The following PCDHA12 variants were observed in gnomAD, a reference collection of about 807,000 sequenced individuals.
PCDHA12 encodes protocadherin alpha 12, also known as protocadherin alpha-12.
In PCDHA12, 44 loss-of-function variants were observed where a neutral mutation model predicts 60.0. That is an observed-to-expected ratio of 0.73 (90% CI 0.58 to 0.94). The LOEUF is 0.94. Among genes scored for constraint, PCDHA12 ranks in the 40% least tolerant of loss-of-function variants. PCDHA12 has a pLI of 0.00. For missense variants in PCDHA12, 1,276 were observed against 1,239.7 expected, an observed-to-expected ratio of 1.03 and a Z score of -0.44; for synonymous variants, 569 against 553.0, an observed-to-expected ratio of 1.03 and a Z score of -0.40.
chr5:140,961,704 C>T (rs1381981839), intron 1 of PCDHA12, among the ~76,000 whole-genome samples: 1 of 152,086 alleles, frequency 6.6e-6, no homozygotes, highest in African/African-American at 2.4e-5. Flanking sequence ...GTATGAATGC[C>T]TTCATTTCTA....
chr5:140,876,186 T>A lies in PCDHA12; in HGVS notation c.714T>A (p.Asn238Lys). The A allele has an allele frequency of 1.2e-6, 2 of 1,613,960 alleles. No individual in the cohort carries two copies. Among genetic ancestry groups the A allele is most frequent in the Middle Eastern group, 1.6e-4 (1 of 6,062 alleles). Residue 238 changes from asparagine to lysine, a missense_variant, in exon 1 of 4, where the codon AAT (asparagine) becomes AAA (lysine). Asn to Lys is a moderately conservative substitution (Grantham distance 94). Coordinates refer to ENST00000398631, the MANE Select transcript of PCDHA12 (RefSeq NM_018903.4). ...IQITVLDVND[N>K]GPAFDKPSYK... The stretch of plus-strand genomic sequence containing the variant: ...TAACCGTCCTGGATGTGAATGACAA[T>A]GGTCCGGCGTTTGATAAGCCCAGCT...
At chr5:140,923,423 G>A (rs533295733) in intron 1 of PCDHA12, among the ~76,000 whole-genome samples, 1 of 152,142 alleles carries the variant, frequency 6.6e-6, no homozygotes. Context: ...GGCTACTTGG[G>A]AGGCTGGGGT....
chr5:140,913,462 G>A (rs1300773586), intron 1 of PCDHA12, among the ~76,000 whole-genome samples: 1 of 151,764 alleles, frequency 6.6e-6, no homozygotes, highest in African/African-American at 2.4e-5. Context: ...TTATTTACTT[G>A]GGTCTTCTCT....
intron 1 of PCDHA12, among the ~76,000 whole-genome samples, chr5:140,961,208 A>T (rs1268712075): frequency 1.3e-5 from 2 of 152,164 alleles, no homozygotes; most frequent in African/African-American, 4.8e-5. Flanking sequence ...GTTGGTATTG[A>T]TGAAGAAACT....
At chr5:140,915,831 G>T (rs1326644343) in intron 1 of PCDHA12, among the ~76,000 whole-genome samples, 1 of 152,168 alleles carries the variant, frequency 6.6e-6, no homozygotes, top group Non-Finnish European at 1.5e-5. Flanking sequence ...AGGGCTCTAA[G>T]ATCAGCAGGG....
chr5:140,877,792 CCAAGCCTTCAGCT>C lies in PCDHA12; in HGVS notation c.2321_2333del (p.Pro774ArgfsTer7). 6.2e-7 allele frequency: 1 copy of C among 1,614,004 alleles called. No homozygotes were observed. Among genetic ancestry groups the C allele is most frequent in the East Asian group, 2.2e-5 (1 of 44,878 alleles). Reference sequence around the variant, plus strand: ...CAAGACGGACCTCATGGCCTTCAGCCCAAGCCTTCAGCTGTCTCGAGAAGATTGTTTAAATCCT... The same window carrying C: ...CAAGACGGACCTCATGGCCTTCAGCCGTCTCGAGAAGATTGTTTAAATCCT... On this transcript the variant is annotated frameshift_variant, in exon 1 of 4. Coordinates refer to ENST00000398631, the MANE Select transcript of PCDHA12 (RefSeq NM_018903.4). LOFTEE classifies it high-confidence loss of function.
intron 1 of PCDHA12, among the ~76,000 whole-genome samples, chr5:140,939,281 G>A (rs1554212652): frequency 6.6e-6 from 1 of 152,014 alleles, no homozygotes; most frequent in African/African-American, 2.4e-5. Context: ...CTGTGCCCTC[G>A]TGATCTAATC....
At chr5:140,963,957 A>T (rs1585999636) in intron 1 of PCDHA12, among the ~76,000 whole-genome samples, 1 of 152,230 alleles carries the variant, frequency 6.6e-6, no homozygotes. Flanking sequence ...CACTGGCAGG[A>T]GTGTGACTGA....
chr5:140,929,697 T>G (rs2086305900), intron 1 of PCDHA12: 1 of 266,272 alleles, frequency 3.8e-6, no homozygotes, highest in African/African-American at 2.2e-5. Flanking sequence ...CTGCTTTATA[T>G]GAATATAATA....
At chr5:140,902,530 G>C (rs569387885) in intron 1 of PCDHA12, among the ~76,000 whole-genome samples, 1 of 152,026 alleles carries the variant, frequency 6.6e-6, no homozygotes, top group African/African-American at 2.4e-5. Flanking sequence ...TTATTATGTT[G>C]AGGTATGTTC....
At chr5:140,897,130 C>A (rs913808184) in intron 1 of PCDHA12, among the ~76,000 whole-genome samples, 11 of 152,118 alleles carry the variant, frequency 7.2e-5, no homozygotes, top group Non-Finnish European at 5.9e-5. Flanking sequence ...CCCCACTAAA[C>A]TTTCTAGCCT....
chr5:140,930,594 A>G (rs1554207944), intron 1 of PCDHA12: 2 of 152,716 alleles, frequency 1.3e-5, no homozygotes, highest in East Asian at 3.9e-4. Flanking sequence ...GACTTCTCAT[A>G]GAAATCCTAG....
At chr5:140,916,264 A>G (rs1455161672) in intron 1 of PCDHA12, among the ~76,000 whole-genome samples, 1 of 152,200 alleles carries the variant, frequency 6.6e-6, no homozygotes, top group East Asian at 1.9e-4. Flanking sequence ...CCCCAAGAGC[A>G]TGCTTGTTGC....
chr5:140,917,417 C>T (rs1163543772), intron 1 of PCDHA12, among the ~76,000 whole-genome samples: 1 of 152,082 alleles, frequency 6.6e-6, no homozygotes, highest in African/African-American at 2.4e-5. Flanking sequence ...TAATTAGGCC[C>T]CATTTGCCAA....
intron 1 of PCDHA12, among the ~76,000 whole-genome samples, chr5:140,896,197 T>G (rs911999135): frequency 2.0e-5 from 3 of 152,280 alleles, no homozygotes; most frequent in Non-Finnish European, 2.9e-5. Flanking sequence ...AGTGCCATGA[T>G]GAACATACAC....
intron 3 of PCDHA12, among the ~76,000 whole-genome samples, chr5:140,985,542 C>T (rs2097157092): frequency 6.6e-6 from 1 of 152,106 alleles, no homozygotes; most frequent in African/African-American, 2.4e-5. Context: ...GGTGAAGATG[C>T]AGTTGCTTCC....
intron 1 of PCDHA12, chr5:140,967,968 G>A: frequency 3.1e-6 from 5 of 1,614,218 alleles, no homozygotes; most frequent in Non-Finnish European, 4.2e-6. Flanking sequence ...CGGAAAGTGA[G>A]CCTGGGTCTG....
At chr5:140,939,051 T>G (rs1359303875) in intron 1 of PCDHA12, among the ~76,000 whole-genome samples, 1 of 152,236 alleles carries the variant, frequency 6.6e-6, no homozygotes, top group East Asian at 1.9e-4. Flanking sequence ...TTAGTCCATT[T>G]GGGCTGCTAT....
intron 2 of PCDHA12, 165 bp downstream of exon 2, chr5:140,979,172 G>A (rs1406119348): frequency 2.1e-6 from 2 of 959,890 alleles, no homozygotes; most frequent in Admixed American, 1.2e-4. Context: ...TTGAAAGATC[G>A]CAAATGGTCA....
Sources: gnomAD v4.1 joint callset for allele counts (sites outside exome capture counted in the v4.1 genomes callset) on GRCh38, gnomAD v4.1.1 for gene constraint, MANE v1.5 for transcripts, NCBI Gene and HGNC (gene_info 2026-07-23, HGNC 2026-07-21) for gene names.